Variants in PDXDC1 observed in about 807,000 individuals in gnomAD.
The protein encoded by PDXDC1 is pyridoxal dependent decarboxylase domain containing 1.
In PDXDC1, 42 loss-of-function variants were observed where a neutral mutation model predicts 100.1. The observed-to-expected ratio is 0.42, with a 90% confidence interval of 0.33 to 0.54. PDXDC1 has a LOEUF of 0.54. PDXDC1 is among the 20% of genes least tolerant of loss of function. The pLI is 0.10. For missense variants in PDXDC1, 636 were observed against 979.2 expected, an observed-to-expected ratio of 0.65 and a Z score of 4.68; for synonymous variants, 260 against 371.7, an observed-to-expected ratio of 0.70 and a Z score of 3.46.
intron 16 of PDXDC1, chr16:15,094,503 A>T: frequency 1.9e-6 from 1 of 537,062 alleles, no homozygotes. Context: ...TCCCGAAGAA[A>T]GGGTGGAAAC....
At chr16:15,106,291 C>A in intron 16 of PDXDC1, 1 of 1,170,576 alleles carries the variant, frequency 8.5e-7, no homozygotes, top group Non-Finnish European at 1.2e-6. Flanking sequence ...TGCCCGCCGC[C>A]GCAACGCTTG....
At chr16:14,988,286 G>C in intron 1 of PDXDC1, 1 of 1,613,600 alleles carries the variant, frequency 6.2e-7, no homozygotes, top group South Asian at 1.1e-5. Context: ...CCTTACTCCT[G>C]CAGAGGGGCT....
At chr16:15,029,092 C>CT in intron 15 of PDXDC1, 126 bp downstream of exon 15, 1 of 1,098,328 alleles carries the variant, frequency 9.1e-7, no homozygotes, top group Non-Finnish European at 1.3e-6. Context: ...CCTGCCAGTG[C>CT]TGGGCCTGCT....
intron 16 of PDXDC1, among the ~76,000 whole-genome samples, chr16:15,087,420 G>T (rs1289839495): frequency 6.6e-6 from 1 of 152,124 alleles, no homozygotes; most frequent in African/African-American, 2.4e-5. Flanking sequence ...TAAAGAAGCA[G>T]GTCCAAACCC....
chr16:15,074,783 G>A (rs143971099), intron 16 of PDXDC1: 12 of 1,613,870 alleles, frequency 7.4e-6, no homozygotes, highest in African/African-American at 5.3e-5. Context: ...ATGTCCAGGC[G>A]CTCGGCTACA....
chr16:15,029,079 C>T (rs549421774), intron 15 of PDXDC1, 113 bp downstream of exon 15: 99 of 1,235,872 alleles, frequency 8.0e-5, no homozygotes, highest in South Asian at 5.5e-4. Flanking sequence ...CAGGAGGAGC[C>T]GCCCTGCCAG....
intron 12 of PDXDC1, among the ~76,000 whole-genome samples, chr16:15,021,706 C>A (rs868701355): frequency 1.3e-5 from 2 of 152,284 alleles, no homozygotes; most frequent in South Asian, 4.1e-4. Flanking sequence ...CTAATAAATG[C>A]ATGTGTTAAA....
At chr16:15,035,920 T>G in intron 22 of PDXDC1, 96 bp from the exon 23 acceptor site, 2 of 1,274,654 alleles carry the variant, frequency 1.6e-6, no homozygotes, top group Non-Finnish European at 2.2e-6. Flanking sequence ...GCTGAAGCTG[T>G]GTTGTGAAAT....
intron 16 of PDXDC1, chr16:15,103,463 T>C: frequency 1.6e-6 from 1 of 627,260 alleles, no homozygotes; most frequent in Non-Finnish European, 2.8e-6. Context: ...CTTCCAAGTC[T>C]CTATAGACCA....
At chr16:15,135,665 C>T in intron 16 of PDXDC1, 1 of 1,595,328 alleles carries the variant, frequency 6.3e-7, no homozygotes, top group Middle Eastern at 2.3e-4. Context: ...CGAAGCCACA[C>T]AGGCCCACTG....
intron 16 of PDXDC1, chr16:15,132,609 A>G (rs1217522612): frequency 2.5e-6 from 2 of 785,020 alleles, no homozygotes; most frequent in African/African-American, 1.7e-5. Flanking sequence ...GGCATGAAGG[A>G]GCCCAGGCTG....
Position 15,032,879 on chromosome 16 carries a change from T to C in PDXDC1, c.1590T>C (p.Asp530=). ...GTTTTAGGTATGAACATGCTAATGA[T>C]GATAAGAGCAGTTTGAAATCAGATC... The part of the protein sequence containing the change: ...IGVVRYEHAN[D]DKSSLKSDPE... The change falls in exon 18 of 23, where the codon GAT becomes GAC. Residue 530 remains aspartate, a synonymous_variant. Coordinates refer to ENST00000396410, the MANE Select transcript of PDXDC1 (RefSeq NM_015027.4). The C allele has an allele frequency of 6.3e-7, 1 of 1,598,166 alleles. No homozygotes were observed. Among genetic ancestry groups the C allele is most frequent in the Non-Finnish European group, 8.6e-7 (1 of 1,165,468 alleles).
chr16:15,028,139 C>G (rs184886636), intron 14 of PDXDC1, among the ~76,000 whole-genome samples: 44 of 152,394 alleles, frequency 2.9e-4, no homozygotes, highest in Non-Finnish European at 4.1e-4. Flanking sequence ...TGCCTTCCCC[C>G]CTTCCACTCT....
the PDXDC1 span, among the ~76,000 whole-genome samples, chr16:15,149,752 A>G: frequency 6.6e-6 from 1 of 152,108 alleles, no homozygotes; most frequent in Admixed American, 6.5e-5. Flanking sequence ...CAGCAGACCC[A>G]GGTGACCCCC....
chr16:14,994,048 C>T (rs1971452541), intron 1 of PDXDC1, among the ~76,000 whole-genome samples: 1 of 152,404 alleles, frequency 6.6e-6, no homozygotes, highest in African/African-American at 2.4e-5. Context: ...AGCCCTTTGT[C>T]AGGTGAGTAG....
chr16:15,091,234 A>T lies in PDXDC1; in HGVS notation c.1400-47645A>T. The T allele has an allele frequency of 1.9e-6, 3 of 1,556,474 alleles. No individual in the cohort carries two copies. The South Asian group carries it at 3.5e-5, about 18-fold the overall frequency. ...CCATGGAGAGAGCAAGTTCTGGAGG[A>T]CAGAATGGGACCCAAAGAGCAAACT... On this transcript the variant is annotated intron_variant, in intron 16 of 16. Coordinates refer to the PDXDC1 transcript ENST00000535621.
At chr16:15,059,497 A>G (rs2044637960) in intron 16 of PDXDC1, among the ~76,000 whole-genome samples, 1 of 152,222 alleles carries the variant, frequency 6.6e-6, no homozygotes, top group South Asian at 2.1e-4. Context: ...TTACAGTTTA[A>G]TTAGCGCTCA....
intron 16 of PDXDC1, 120 bp downstream of exon 16, chr16:15,030,176 T>G (rs1450070165): frequency 1.2e-6 from 1 of 816,872 alleles, no homozygotes; most frequent in East Asian, 2.7e-5. Flanking sequence ...AGGGGCATTT[T>G]CTTTTCTTTT....
intron 16 of PDXDC1, chr16:15,076,607 G>A: frequency 6.2e-7 from 1 of 1,613,314 alleles, no homozygotes. Context: ...AGTTTGAGTT[G>A]CTGTTTCTTC....
Sources: allele counts gnomAD v4.1 joint callset (sites outside exome capture counted in the v4.1 genomes callset), GRCh38; gene constraint gnomAD v4.1.1; transcripts MANE v1.5; gene names NCBI Gene and HGNC (gene_info 2026-07-23, HGNC 2026-07-21).